Variants in FHOD3 observed in about 807,000 individuals in gnomAD.
FHOD3 encodes formin homology 2 domain containing 3.
Under a neutral mutation model 173.0 loss-of-function variants are expected in FHOD3, and 90 were observed. The observed-to-expected ratio is 0.52, with a 90% CI of 0.44 to 0.62. FHOD3 has a LOEUF of 0.62. FHOD3 is among the 20% of genes least tolerant of loss of function. The probability of loss-of-function intolerance (pLI) is 0.00; values close to 1 mark genes in which losing one functional copy is unlikely to be tolerated. For missense variants in FHOD3, 1,945 were observed against 2,034.7 expected, an observed-to-expected ratio of 0.96 and a Z score of 0.85; for synonymous variants, 828 against 823.0, an observed-to-expected ratio of 1.01 and a Z score of -0.10.
chr18:36,659,377 A>G (rs2149200458), intron 14 of FHOD3, among the ~76,000 whole-genome samples: 1 of 152,308 alleles, frequency 6.6e-6, no homozygotes, highest in East Asian at 1.9e-4. Context: ...CCCCGAAGAC[A>G]CCATTACCTG....
At chr18:36,684,888 G>C (rs2038501415) in intron 15 of FHOD3, among the ~76,000 whole-genome samples, 1 of 151,992 alleles carries the variant, frequency 6.6e-6, no homozygotes, top group Non-Finnish European at 1.5e-5. Flanking sequence ...CTGCAGCCTC[G>C]ACCTCCCAGG....
chr18:36,558,362 T>C (rs1416030253), intron 5 of FHOD3, among the ~76,000 whole-genome samples: 1 of 152,210 alleles, frequency 6.6e-6, no homozygotes, highest in Non-Finnish European at 1.5e-5. Context: ...TAGTCTGTTA[T>C]TGCTTGCTGT....
chr18:36,630,594 G>A (rs1409169243), intron 10 of FHOD3, among the ~76,000 whole-genome samples: 2 of 152,182 alleles, frequency 1.3e-5, no homozygotes. Context: ...TGGCAAGAGA[G>A]AACAATGATT....
At chr18:36,328,721 A>T (rs2044812591) in intron 1 of FHOD3, among the ~76,000 whole-genome samples, 1 of 152,182 alleles carries the variant, frequency 6.6e-6, no homozygotes. Context: ...ACAGAGCCAC[A>T]TGTTTTCCCA....
At chr18:36,767,899 T>C (rs1012621757) in intron 27 of FHOD3, among the ~76,000 whole-genome samples, 3 of 152,166 alleles carry the variant, frequency 2.0e-5, no homozygotes, top group African/African-American at 4.8e-5. Flanking sequence ...TCCATTGATA[T>C]CTATTTTTTC....
intron 18 of FHOD3, among the ~76,000 whole-genome samples, chr18:36,714,393 C>T (rs190590362): frequency 6.6e-6 from 1 of 152,194 alleles, no homozygotes; most frequent in Admixed American, 6.5e-5. Context: ...CAAAAATTAG[C>T]TGGGCATGGT....
At chr18:36,710,910 C>G (rs1240997484) in intron 18 of FHOD3, 2 of 152,128 alleles carry the variant, frequency 1.3e-5, no homozygotes, top group Non-Finnish European at 2.9e-5. Flanking sequence ...TTAATCATAA[C>G]TGGGTTTAGC....
chr18:36,573,622 G>A (rs898863735), intron 5 of FHOD3, among the ~76,000 whole-genome samples: 5 of 152,012 alleles, frequency 3.3e-5, no homozygotes, highest in African/African-American at 9.7e-5. Context: ...GAAGATTTGA[G>A]TGTTTAATAA....
intron 6 of FHOD3, among the ~76,000 whole-genome samples, chr18:36,579,223 G>T (rs1007008201): frequency 6.6e-6 from 1 of 152,216 alleles, no homozygotes; most frequent in Middle Eastern, 3.2e-3. Context: ...CTAGGGAGAT[G>T]GGAAGAGATT....
At chr18:36,763,181 C>T (rs62650897) in intron 27 of FHOD3, among the ~76,000 whole-genome samples, 18,058 of 140,644 alleles carry the variant, frequency 0.13, 1,248 homozygotes, top group Admixed American at 0.17. Context: ...ATTATATACG[C>T]TATATATGTG....
intron 1 of FHOD3, among the ~76,000 whole-genome samples, chr18:36,320,876 A>T (rs1875637036): frequency 6.6e-6 from 1 of 152,186 alleles, no homozygotes; most frequent in Non-Finnish European, 1.5e-5. Flanking sequence ...ACTGAAGAAA[A>T]CAGGCAGAAA....
At position 36,435,246 on chromosome 18, in the gene FHOD3, T is replaced by G. The variant is rs540260912; in HGVS notation, c.337+62502T>G. Among the ~76,000 whole-genome samples the G allele has an allele frequency of 5.9e-5, 9 of 152,258 alleles. No individual in the cohort carries two copies. In the East Asian group the frequency reaches 1.7e-3, roughly 29 times the overall value. ...ACCTGGAAGTATTCATATATTCATT[T>G]TTATAGCTATAATTAGCTAAATAAA... On this transcript the variant is annotated intron_variant, in intron 3 of 28. Transcript: ENST00000590592.
chr18:36,713,239 G>T (rs556347234), intron 18 of FHOD3, among the ~76,000 whole-genome samples: 1 of 152,160 alleles, frequency 6.6e-6, no homozygotes, highest in African/African-American at 2.4e-5. Context: ...TTACTAAATC[G>T]TACTTGATGG....
chr18:36,684,447 A>G (rs745478478), intron 15 of FHOD3, among the ~76,000 whole-genome samples: 114 of 152,170 alleles, frequency 7.5e-4, no homozygotes, highest in Non-Finnish European at 2.1e-4. Flanking sequence ...AACATGCTTT[A>G]GGAAGTAAGG....
At chr18:36,525,046 A>T (rs1446479227) in intron 5 of FHOD3, among the ~76,000 whole-genome samples, 1 of 152,206 alleles carries the variant, frequency 6.6e-6, no homozygotes, top group Admixed American at 6.5e-5. Flanking sequence ...GGTGGCCCAG[A>T]AGATTCTTTC....
chr18:36,419,296 C>T (rs754540264), intron 3 of FHOD3, among the ~76,000 whole-genome samples: 3 of 151,890 alleles, frequency 2.0e-5, no homozygotes, highest in Admixed American at 6.6e-5. Flanking sequence ...TGGCTTTGCT[C>T]TGTTGTTGAC....
rs566400404 is a variant in FHOD3, at chr18:36,615,949, A to G, written c.957+3854A>G. ...TTTGCTGGCAGCACTTGAAGCTGCC[A>G]ACAGCCACCAGCTGGCCAGCTCTTT... On this transcript the variant is annotated intron_variant, in intron 9 of 28. Transcript: ENST00000590592. 3.3e-5 allele frequency among the ~76,000 whole-genome samples: 5 copies of G among 152,340 alleles called. No homozygotes were observed. The East Asian group carries it at 9.7e-4, about 29-fold the overall frequency.
intron 2 of FHOD3, among the ~76,000 whole-genome samples, chr18:36,364,240 T>C (rs1272763584): frequency 6.6e-6 from 1 of 152,184 alleles, no homozygotes; most frequent in African/African-American, 2.4e-5. Flanking sequence ...TTTTTTCTTG[T>C]ATAAGATTCC....
intron 1 of FHOD3, among the ~76,000 whole-genome samples, chr18:36,352,564 G>A (rs1358371050): frequency 6.6e-6 from 1 of 152,162 alleles, no homozygotes; most frequent in East Asian, 1.9e-4. Context: ...TGTATGCTTG[G>A]CTTCTCTCCA....
Sources: gnomAD v4.1 joint callset for allele counts (sites outside exome capture counted in the v4.1 genomes callset) on GRCh38, gnomAD v4.1.1 for gene constraint, MANE v1.5 for transcripts, NCBI Gene and HGNC (gene_info 2026-07-23, HGNC 2026-07-21) for gene names.